The following MTFR1 variants were observed in gnomAD, a reference collection of about 807,000 sequenced individuals.
MTFR1 encodes the protein chondrocyte protein with a poly-proline region.
A neutral mutation model predicts 38.8 loss-of-function variants in MTFR1; 28 were observed. The ratio of observed to expected loss-of-function variants is 0.72; its 90% confidence interval spans 0.53 to 0.99. MTFR1 has a LOEUF of 0.99. Among genes scored for constraint, MTFR1 ranks in the 50% least tolerant of loss-of-function variants. The probability of loss-of-function intolerance (pLI) is 0.00; values close to 1 mark genes in which losing one functional copy is unlikely to be tolerated. For missense variants in MTFR1, 358 were observed against 395.5 expected (o/e 0.91, Z 0.81); for synonymous variants, 145 against 137.0 (o/e 1.06, Z -0.41).
intron 2 of MTFR1, among the ~76,000 whole-genome samples, chr8:65,680,901 T>C (rs1042020871): frequency 5.0e-5 from 6 of 120,848 alleles, no homozygotes; most frequent in African/African-American, 1.2e-4. Flanking sequence ...GCAGTTCTCT[T>C]TTTTTTTTTT....
intron 1 of MTFR1, among the ~76,000 whole-genome samples, chr8:65,652,289 T>G (rs1445234590): frequency 6.6e-6 from 1 of 152,116 alleles, no homozygotes; most frequent in East Asian, 1.9e-4. Flanking sequence ...TATTTTTTAG[T>G]ACAAAAATAT....
chr8:65,692,959 G>A (rs1032787582), intron 3 of MTFR1, among the ~76,000 whole-genome samples: 2 of 145,840 alleles, frequency 1.4e-5, no homozygotes, highest in East Asian at 2.0e-4. Context: ...ATAGTGGCAC[G>A]ATCTCGGCTC....
At chr8:65,705,931 T>C (rs139490919) in intron 5 of MTFR1, among the ~76,000 whole-genome samples, 1 of 152,346 alleles carries the variant, frequency 6.6e-6, no homozygotes, top group East Asian at 1.9e-4. Flanking sequence ...CACTAACCTA[T>C]TGGCAAGTAG....
intron 3 of MTFR1, among the ~76,000 whole-genome samples, chr8:65,750,504 C>G (rs10957364): frequency 0.61 from 86,299 of 142,218 alleles, 26,899 homozygotes; most frequent in Non-Finnish European, 0.69. Context: ...GTGTGTGTGT[C>G]TGTGTGTGTC....
At chr8:65,747,083 A>G (rs1191016083) in intron 3 of MTFR1, among the ~76,000 whole-genome samples, 1 of 152,226 alleles carries the variant, frequency 6.6e-6, no homozygotes, top group African/African-American at 2.4e-5. Context: ...ACAATCAACA[A>G]GTTTAACTAT....
At chr8:65,648,373 T>C (rs1230118493) in intron 1 of MTFR1, among the ~76,000 whole-genome samples, 9 of 152,134 alleles carry the variant, frequency 5.9e-5, no homozygotes, top group Non-Finnish European at 1.5e-5. Flanking sequence ...AACCATTTGT[T>C]ACATTAAGTT....
chr8:65,771,614 G>A (rs1016532591), downstream of MTFR1, among the ~76,000 whole-genome samples: 7 of 152,076 alleles, frequency 4.6e-5, no homozygotes, highest in Non-Finnish European at 7.4e-5. Context: ...GGTGGCTCAC[G>A]CATGTAATCC....
intron 2 of MTFR1, chr8:65,718,665 T>C (rs17395656): frequency 0.041 from 6,339 of 152,786 alleles, 195 homozygotes; most frequent in Non-Finnish European, 0.062. Context: ...AATAAAACTA[T>C]AGCAAATGGG....
chr8:65,756,964 G>A (rs1326818998), intron 3 of MTFR1, among the ~76,000 whole-genome samples: 1 of 152,148 alleles, frequency 6.6e-6, no homozygotes, highest in Non-Finnish European at 1.5e-5. Context: ...GATGTATAGG[G>A]CAAGGTATGG....
chr8:65,694,014 C>T (rs1805358508), intron 4 of MTFR1, among the ~76,000 whole-genome samples: 1 of 151,556 alleles, frequency 6.6e-6, no homozygotes, highest in South Asian at 2.1e-4. Flanking sequence ...GTGATTCTCC[C>T]ACCTCAGCCT....
intron 2 of MTFR1, among the ~76,000 whole-genome samples, chr8:65,670,589 A>C (rs972514710): frequency 2.0e-5 from 3 of 152,068 alleles, no homozygotes; most frequent in African/African-American, 7.2e-5. Flanking sequence ...TGCCAAGTAC[A>C]TTTTGTAGAA....
At chr8:65,739,059 G>A (rs904489056) in intron 3 of MTFR1, among the ~76,000 whole-genome samples, 6 of 152,200 alleles carry the variant, frequency 3.9e-5, no homozygotes, top group Non-Finnish European at 5.9e-5. Flanking sequence ...GGGCTCCAGC[G>A]GCCTGGGGAT....
At chr8:65,724,118 A>C in intron 3 of MTFR1, 1 of 575,490 alleles carries the variant, frequency 1.7e-6, no homozygotes, top group Non-Finnish European at 3.1e-6. Context: ...GATTAGATGT[A>C]TATCTATTGT....
At position 65,763,006 on chromosome 8, in the gene MTFR1, T is replaced by C. The variant is rs892897345; in HGVS notation, c.*49-7941T>C. On this transcript the variant is annotated intron_variant, in intron 3 of 3. Coordinates refer to the MTFR1 transcript ENST00000521247. Reference sequence around the variant, plus strand: ...TATAAAAACAATGTGTGTGTGTGTGTGTGTGTGTGTGTGTGTGTGTGTGTG... The same window carrying C: ...TATAAAAACAATGTGTGTGTGTGTGCGTGTGTGTGTGTGTGTGTGTGTGTG... Among the ~76,000 whole-genome samples, 102 of 132,098 alleles carry C rather than the reference T, an allele frequency of 7.7e-4. 1 individual carries two copies. Among genetic ancestry groups the C allele is most frequent in the Non-Finnish European group, 1.3e-3 (73 of 55,656 alleles). 86.7% of individuals were successfully genotyped at this position (132,098 alleles called of 152,430 possible).
chr8:65,711,914 C>T (rs1371508621), downstream of MTFR1, among the ~76,000 whole-genome samples: 3 of 152,160 alleles, frequency 2.0e-5, no homozygotes, highest in African/African-American at 7.2e-5. Context: ...GTCCTTTAGA[C>T]ATTTTCAGGA....
chr8:65,724,978 AT>A (rs3833687), intron 3 of MTFR1: 16,257 of 1,168,748 alleles, frequency 0.014, 152 homozygotes, highest in East Asian at 0.027. Context: ...CTATTTATTG[AT>A]TTTTTTTCTT....
chr8:65,770,365 G>A (rs550313554), intron 3 of MTFR1, among the ~76,000 whole-genome samples: 9 of 152,316 alleles, frequency 5.9e-5, no homozygotes, highest in South Asian at 2.1e-4. Flanking sequence ...CAAAAGCCAC[G>A]TCTTACCTGG....
Position 65,644,792 on chromosome 8 carries a change from G to C in MTFR1, c.-81+8G>C, listed in dbSNP as rs1050091525. 6.5e-6 allele frequency: 1 copy of C among 152,714 alleles called. No individual in the cohort carries two copies. Among genetic ancestry groups the C allele is most frequent in the Non-Finnish European group, 1.5e-5 (1 of 68,450 alleles). 9.5% of individuals were successfully genotyped at this position (152,714 alleles called of 1,614,324 possible). A position where few individuals can be genotyped will look rare whatever the true frequency, so the allele number is the denominator to read the frequency against. On this transcript the variant is annotated splice_region_variant and intron_variant, in intron 1 of 7. Transcript: ENST00000262146. ...GGCTGCCGCGCGGCCGAGGTGAGTA[G>C]GGTGGGAACTCGGAAAAGCGGTTGG...
chr8:65,726,757 C>A, intron 3 of MTFR1: 1 of 562,526 alleles, frequency 1.8e-6, no homozygotes, highest in Non-Finnish European at 3.2e-6. Context: ...TTAAATTTGA[C>A]AAACACTGAA....
Sources: allele counts gnomAD v4.1 joint callset (sites outside exome capture counted in the v4.1 genomes callset), GRCh38; gene constraint gnomAD v4.1.1; transcripts MANE v1.5; gene names NCBI Gene and HGNC (gene_info 2026-07-23, HGNC 2026-07-21).